Variants in HERC3 observed in about 807,000 individuals in gnomAD.
HERC3 encodes the protein probable E3 ubiquitin-protein ligase HERC3.
In HERC3, 58 loss-of-function variants were observed where a neutral mutation model predicts 129.9. The ratio of observed to expected loss-of-function variants is 0.45; its 90% CI spans 0.36 to 0.56. HERC3 has a LOEUF of 0.56. HERC3 is among the 20% of genes least tolerant of loss of function. The pLI is 0.00. For synonymous variants in HERC3, 430 were observed against 451.0 expected (o/e 0.95, Z 0.59); for missense variants, 835 against 1,244.2 (o/e 0.67, Z 4.95).
At chr4:88,655,097 T>C in intron 7 of HERC3, 77 bp from the exon 8 acceptor site, 2 of 1,474,392 alleles carry the variant, frequency 1.4e-6, no homozygotes, top group Non-Finnish European at 1.9e-6. Context: ...ATTGTTGTGA[T>C]AGGCATTTTG....
At chr4:88,643,524 G>C (rs1355287492) in intron 3 of HERC3, among the ~76,000 whole-genome samples, 1 of 152,204 alleles carries the variant, frequency 6.6e-6, no homozygotes, top group African/African-American at 2.4e-5. Flanking sequence ...ATGTGGTACT[G>C]ACAGAGGTGT....
At chr4:88,693,471 T>A in intron 23 of HERC3, 1 of 972,092 alleles carries the variant, frequency 1.0e-6, no homozygotes, top group Middle Eastern at 5.3e-4. Flanking sequence ...ACACATAGGC[T>A]ACTTTACATA....
chr4:88,593,393 C>G (rs1014299703), intron 1 of HERC3: 9 of 152,292 alleles, frequency 5.9e-5, no homozygotes, highest in African/African-American at 1.9e-4. Context: ...GCAACCAGAC[C>G]GAGAGGAGCA....
chr4:88,619,431 T>A (rs180855993), intron 3 of HERC3, among the ~76,000 whole-genome samples: 1 of 152,338 alleles, frequency 6.6e-6, no homozygotes, highest in East Asian at 1.9e-4. Flanking sequence ...GCTGTTCACC[T>A]GGCATACAGA....
chr4:88,708,535 T>G lies in HERC3; in HGVS notation c.*1575T>G, dbSNP rs1471340568. 1 of 152,640 alleles carries G rather than the reference T, an allele frequency of 6.6e-6. No homozygotes were observed. The highest frequency in any genetic ancestry group is 2.4e-5 in the African/African-American group (1 of 41,454). The allele number at this position is 152,640 out of a possible 1,614,324, so 9.5% of individuals were successfully genotyped here. ...ATGCAATAAATTTGGTGTTTTAACTTAAAACTATTTCTTATTGTACTTGCA... is the reference window on the plus strand; with the variant it reads ...ATGCAATAAATTTGGTGTTTTAACTGAAAACTATTTCTTATTGTACTTGCA... On this transcript the variant is annotated 3_prime_UTR_variant, in exon 26 of 26. Coordinates refer to ENST00000402738, the MANE Select transcript of HERC3 (RefSeq NM_014606.3).
intron 3 of HERC3, among the ~76,000 whole-genome samples, chr4:88,639,911 T>C (rs1191312340): frequency 1.3e-5 from 2 of 149,906 alleles, no homozygotes; most frequent in Non-Finnish European, 3.0e-5. Flanking sequence ...CTTCATAAAG[T>C]GGGCAAAGGA....
chr4:88,539,907 A>T, the HERC3 span, among the ~76,000 whole-genome samples: 1 of 152,198 alleles, frequency 6.6e-6, no homozygotes, highest in South Asian at 2.1e-4. Flanking sequence ...AACAAAAAGG[A>T]CATCCACACC....
chr4:88,692,998 A>T (rs2149333835), intron 23 of HERC3: 2 of 977,152 alleles, frequency 2.0e-6, no homozygotes, highest in African/African-American at 1.7e-5. Context: ...AACATAACTA[A>T]TATACATATG....
At position 88,655,890 on chromosome 4, in the gene HERC3, C is replaced by T. The variant is rs1460410750; in HGVS notation, c.924C>T (p.Ala308=). The part of the protein sequence containing the change: ...QIACGRQHTL[A]FVPSSGLIYA... The stretch of plus-strand genomic sequence containing the variant: ...TTTTTCACAGACAACATACCCTAGC[C>T]TTCGTGCCTTCTTCTGGACTCATCT... The change falls in exon 9 of 26, where the codon GCC becomes GCT. Residue 308 remains alanine, a synonymous_variant. Coordinates refer to ENST00000402738, the MANE Select transcript of HERC3 (RefSeq NM_014606.3). 4 of 1,612,602 alleles carry T rather than the reference C, an allele frequency of 2.5e-6. No individual in the cohort carries two copies. Among genetic ancestry groups the T allele is most frequent in the African/African-American group, 1.3e-5 (1 of 74,926 alleles).
intron 25 of HERC3, among the ~76,000 whole-genome samples, chr4:88,705,266 T>C (rs1735684534): frequency 6.6e-6 from 1 of 152,230 alleles, no homozygotes; most frequent in South Asian, 2.1e-4. Flanking sequence ...CTCTCTTATC[T>C]CTCTAGCCTT....
chr4:88,702,642 G>T (rs548100917), intron 23 of HERC3, among the ~76,000 whole-genome samples: 10 of 152,304 alleles, frequency 6.6e-5, no homozygotes, highest in African/African-American at 2.4e-4. Context: ...ATTAATGGAT[G>T]TTTAGTGTTG....
intron 3 of HERC3, among the ~76,000 whole-genome samples, chr4:88,637,547 A>G (rs1353618088): frequency 6.6e-6 from 1 of 152,252 alleles, no homozygotes; most frequent in Non-Finnish European, 1.5e-5. Context: ...GAAACCAATG[A>G]GAACAAAGAA....
At chr4:88,548,417 GT>G in the HERC3 span, among the ~76,000 whole-genome samples, 2 of 152,102 alleles carry the variant, frequency 1.3e-5, no homozygotes, top group Admixed American at 1.3e-4. Context: ...GTATCTCCAT[GT>G]GCTTTTGATT....
rs1028216578 is a variant in HERC3, at chr4:88,697,814, G to A, written c.2658-6284G>A. Reference sequence around the variant, plus strand: ...CCCGCAGAGGCCCTGCACCCGAGCTGGTCCAGAGAGATCTTGCGGATGCGG... The same window carrying A: ...CCCGCAGAGGCCCTGCACCCGAGCTAGTCCAGAGAGATCTTGCGGATGCGG... On this transcript the variant is annotated intron_variant, in intron 23 of 25. Coordinates refer to ENST00000402738, the MANE Select transcript of HERC3 (RefSeq NM_014606.3). 3.3e-6 allele frequency: 5 copies of A among 1,511,734 alleles called. No individual in the cohort carries two copies. In the African/African-American group the frequency reaches 7.0e-5, roughly 21 times the overall value. 93.6% of individuals were successfully genotyped at this position (1,511,734 alleles called of 1,614,324 possible).
chr4:88,604,462 C>T (rs1050580490), intron 2 of HERC3, among the ~76,000 whole-genome samples: 3 of 152,244 alleles, frequency 2.0e-5, no homozygotes, highest in Non-Finnish European at 4.4e-5. Context: ...TCCTCTTTCC[C>T]TCCAGTCCTA....
the HERC3 span, among the ~76,000 whole-genome samples, chr4:88,532,735 G>T: frequency 6.6e-6 from 1 of 152,124 alleles, no homozygotes; most frequent in Non-Finnish European, 1.5e-5. Flanking sequence ...ATGAAGAGTA[G>T]AAGTACTAAC....
At chr4:88,680,342 GATA>G in intron 20 of HERC3, 106 bp downstream of exon 20, 1 of 756,956 alleles carries the variant, frequency 1.3e-6, no homozygotes, top group African/African-American at 1.8e-5. Context: ...ACATAACAAG[GATA>G]ATAATTCAAA....
At chr4:88,529,753 C>CA in the HERC3 span, among the ~76,000 whole-genome samples, 1,691 of 133,552 alleles carry the variant, frequency 0.013, 33 homozygotes, top group African/African-American at 0.038. Flanking sequence ...GACTATGTCT[C>CA]AAAAAAAAAA....
chr4:88,631,310 C>G (rs973951799), intron 3 of HERC3, among the ~76,000 whole-genome samples: 6 of 152,012 alleles, frequency 3.9e-5, no homozygotes, highest in African/African-American at 1.5e-4. Flanking sequence ...CAAAAATTAG[C>G]CAGGCGTTGT....
Sources: gnomAD v4.1 joint callset for allele counts (sites outside exome capture counted in the v4.1 genomes callset) on GRCh38, gnomAD v4.1.1 for gene constraint, MANE v1.5 for transcripts, NCBI Gene and HGNC (gene_info 2026-07-23, HGNC 2026-07-21) for gene names.